The following EYA4 variants were observed in gnomAD, a reference collection of about 807,000 sequenced individuals.
EYA4 encodes the protein protein phosphatase EYA4.
In EYA4, 31 loss-of-function variants were observed where a neutral mutation model predicts 87.9. The observed-to-expected ratio is 0.35, with a 90% CI of 0.27 to 0.48. The LOEUF (loss-of-function observed/expected upper bound fraction) is 0.48, where lower values mean the gene tolerates loss of function less well. EYA4 is among the 20% of genes least tolerant of loss of function. EYA4 has a pLI of 0.99. For missense variants in EYA4, 678 were observed against 761.4 expected (o/e 0.89, Z 1.29); for synonymous variants, 263 against 270.6 (o/e 0.97, Z 0.28).
At chr6:133,406,242 C>T (rs1025405860) in intron 3 of EYA4, among the ~76,000 whole-genome samples, 6 of 151,980 alleles carry the variant, frequency 3.9e-5, no homozygotes, top group Non-Finnish European at 5.9e-5. Flanking sequence ...AAGAAGTTTA[C>T]GAAATAATCA....
intron 2 of EYA4, among the ~76,000 whole-genome samples, chr6:133,379,087 G>A (rs1365802670): frequency 6.6e-6 from 1 of 151,880 alleles, no homozygotes; most frequent in African/African-American, 2.4e-5. Flanking sequence ...TTCTTGACCT[G>A]CTTGTTTTCC....
chr6:133,314,482 A>G (rs1780474408), intron 2 of EYA4, among the ~76,000 whole-genome samples: 1 of 152,200 alleles, frequency 6.6e-6, no homozygotes, highest in East Asian at 1.9e-4. Context: ...TGAATGGCAG[A>G]AAGTTAACTA....
intron 13 of EYA4, among the ~76,000 whole-genome samples, chr6:133,487,045 G>T (rs1796744863): frequency 1.3e-5 from 2 of 152,198 alleles, no homozygotes; most frequent in Admixed American, 1.3e-4. Context: ...TCTTCCAGCA[G>T]CAGCTGAATG....
chr6:133,293,206 T>C (rs1165245115), intron 2 of EYA4, among the ~76,000 whole-genome samples: 1 of 152,178 alleles, frequency 6.6e-6, no homozygotes, highest in African/African-American at 2.4e-5. Context: ...ATCCAATGTA[T>C]GCCCAGATAA....
intron 3 of EYA4, among the ~76,000 whole-genome samples, chr6:133,436,047 C>T (rs1179861381): frequency 2.0e-5 from 3 of 151,958 alleles, no homozygotes; most frequent in South Asian, 4.2e-4. Flanking sequence ...GGTGAAACCC[C>T]GTCTCCACTA....
chr6:133,411,852 A>G (rs891282582), intron 3 of EYA4, among the ~76,000 whole-genome samples: 1 of 152,222 alleles, frequency 6.6e-6, no homozygotes, highest in African/African-American at 2.4e-5. Context: ...ACTTCTAGAA[A>G]TGCAATTTCA....
intron 3 of EYA4, among the ~76,000 whole-genome samples, chr6:133,409,432 G>A (rs554443505): frequency 6.3e-4 from 96 of 152,206 alleles, no homozygotes; most frequent in African/African-American, 2.2e-3. Flanking sequence ...TATGGCAGAC[G>A]CAAAAAGAAA....
intron 1 of EYA4, among the ~76,000 whole-genome samples, chr6:133,266,703 C>G (rs1457384668): frequency 1.3e-5 from 2 of 151,974 alleles, no homozygotes; most frequent in Non-Finnish European, 2.9e-5. Flanking sequence ...AAGTTTCTAT[C>G]TGTATTGTCC....
intron 2 of EYA4, among the ~76,000 whole-genome samples, chr6:133,333,351 G>A (rs1782128336): frequency 6.6e-6 from 1 of 152,172 alleles, no homozygotes; most frequent in Non-Finnish European, 1.5e-5. Flanking sequence ...CATTTTCCAT[G>A]CATGGAAATG....
chr6:133,378,183 A>G (rs1391039592), intron 2 of EYA4, among the ~76,000 whole-genome samples: 1 of 152,130 alleles, frequency 6.6e-6, no homozygotes, highest in African/African-American at 2.4e-5. Context: ...AATGAACACA[A>G]CTGGCAAATG....
chr6:133,481,573 T>C lies in EYA4; in HGVS notation c.1081T>C (p.Ser361Pro), dbSNP rs569333400. ...SRGRGRKNNP[S>P]PPPDSDLERV... ...AGGAAGAGGCCGGAAAAATAATCCCTCCCCGCCTCCTGATAGTGACCTGGA... is the reference window on the plus strand; with the variant it reads ...AGGAAGAGGCCGGAAAAATAATCCCCCCCCGCCTCCTGATAGTGACCTGGA... The change falls in exon 12 of 20, where the codon TCC becomes CCC. Residue 361 changes from serine to proline, a missense_variant. Coordinates refer to ENST00000355286, the MANE Select transcript of EYA4 (RefSeq NM_004100.5). 1 of 1,613,956 alleles carries C rather than the reference T, an allele frequency of 6.2e-7. No homozygotes were observed. The highest frequency in any genetic ancestry group is 8.5e-7 in the Non-Finnish European group (1 of 1,179,900).
At chr6:133,506,538 G>A (rs1008216332) in intron 14 of EYA4, among the ~76,000 whole-genome samples, 10 of 152,238 alleles carry the variant, frequency 6.6e-5, no homozygotes, top group East Asian at 1.9e-4. Flanking sequence ...ATCACTAAAC[G>A]ATATTCACAG....
intron 2 of EYA4, among the ~76,000 whole-genome samples, chr6:133,307,013 T>C (rs564685610): frequency 3.3e-5 from 5 of 152,336 alleles, no homozygotes; most frequent in African/African-American, 1.2e-4. Flanking sequence ...ATTGGGACAC[T>C]GTGTTTAAAT....
At chr6:133,515,222 G>T in intron 16 of EYA4, 99 bp from the exon 17 acceptor site, 1 of 760,316 alleles carries the variant, frequency 1.3e-6, no homozygotes. Flanking sequence ...GATATATACT[G>T]AAATAAAAAT....
Position 133,529,902 on chromosome 6 carries a change from G to A in EYA4, c.*1097G>A. 1 of 984,982 alleles carries A rather than the reference G, an allele frequency of 1.0e-6. No homozygotes were observed. The highest frequency in any genetic ancestry group is 1.2e-6 in the Non-Finnish European group (1 of 829,602). The allele number at this position is 984,982 out of a possible 1,614,324, so 61.0% of individuals were successfully genotyped here. On this transcript the variant is annotated 3_prime_UTR_variant, in exon 20 of 20. Coordinates refer to ENST00000355286, the MANE Select transcript of EYA4 (RefSeq NM_004100.5). Reference sequence around the variant, plus strand: ...TGATATGTGTAAGTTGCATAGAGGAGGATATTATCATGCAAATCATGAGCA... The same window carrying A: ...TGATATGTGTAAGTTGCATAGAGGAAGATATTATCATGCAAATCATGAGCA...
intron 11 of EYA4, 52 bp from the exon 12 acceptor site, chr6:133,481,411 A>G: frequency 6.4e-7 from 1 of 1,557,364 alleles, no homozygotes; most frequent in Non-Finnish European, 8.9e-7. Flanking sequence ...GAAGACTCAT[A>G]CTTGATCTAA....
chr6:133,357,965 T>C (rs1784193337), intron 2 of EYA4, among the ~76,000 whole-genome samples: 1 of 152,082 alleles, frequency 6.6e-6, no homozygotes, highest in Non-Finnish European at 1.5e-5. Flanking sequence ...TATCTATATC[T>C]GTTTAGGCCC....
intron 2 of EYA4, among the ~76,000 whole-genome samples, chr6:133,305,759 T>G (rs922428545): frequency 6.6e-6 from 1 of 152,140 alleles, no homozygotes; most frequent in African/African-American, 2.4e-5. Flanking sequence ...GTGGTACCAC[T>G]GGGGAAGTTG....
chr6:133,491,733 C>T (rs889024308), intron 13 of EYA4, among the ~76,000 whole-genome samples: 2 of 151,848 alleles, frequency 1.3e-5, no homozygotes, highest in African/African-American at 2.4e-5. Flanking sequence ...GGGCAGATCA[C>T]GAGGTCAGGA....
Sources: allele counts gnomAD v4.1 joint callset (sites outside exome capture counted in the v4.1 genomes callset), GRCh38; gene constraint gnomAD v4.1.1; transcripts MANE v1.5; gene names NCBI Gene and HGNC (gene_info 2026-07-23, HGNC 2026-07-21).